ARHGAP15: variants seen among roughly 807,000 people sequenced by gnomAD.
ARHGAP15 encodes the protein rho GTPase-activating protein 15.
In ARHGAP15, 51 loss-of-function variants were observed where a neutral mutation model predicts 63.7. The observed-to-expected ratio is 0.80, with a 90% CI of 0.64 to 1.01. The LOEUF (loss-of-function observed/expected upper bound fraction) is 1.01, where lower values mean the gene tolerates loss of function less well. ARHGAP15 is among the 50% of genes least tolerant of loss of function. The probability of loss-of-function intolerance (pLI) is 0.00; values close to 1 mark genes in which losing one functional copy is unlikely to be tolerated. For missense variants in ARHGAP15, 560 were observed against 564.6 expected, an observed-to-expected ratio of 0.99 and a Z score of 0.08; for synonymous variants, 191 against 193.8, an observed-to-expected ratio of 0.99 and a Z score of 0.12.
chr2:143,410,689 T>C (rs766447621), intron 6 of ARHGAP15, among the ~76,000 whole-genome samples: 16 of 152,026 alleles, frequency 1.1e-4, no homozygotes, highest in Middle Eastern at 3.2e-3. Flanking sequence ...AAATATGTAG[T>C]GTATATGTGT....
At position 143,519,667 on chromosome 2, in the gene ARHGAP15, C is replaced by T. The variant is rs1163890661; in HGVS notation, c.925+303C>T. 2.6e-5 allele frequency among the ~76,000 whole-genome samples: 4 copies of T among 152,302 alleles called. No homozygotes were observed. The East Asian group carries it at 7.7e-4, about 29-fold the overall frequency. ...AAAACATTCATAAAATATCAGCACT[C>T]ACAGTGTTAGAACCTTCCTAACATT... On this transcript the variant is annotated intron_variant, in intron 10 of 13. Coordinates refer to ENST00000295095, the MANE Select transcript of ARHGAP15 (RefSeq NM_018460.4).
At chr2:143,487,626 G>T in intron 9 of ARHGAP15, 131 bp downstream of exon 9, 1 of 1,068,096 alleles carries the variant, frequency 9.4e-7, no homozygotes, top group African/African-American at 1.6e-5. Flanking sequence ...TTTCTACTCT[G>T]TAACAGAGAA....
intron 6 of ARHGAP15, among the ~76,000 whole-genome samples, chr2:143,346,232 TCTCTCA>T (rs1252207267): frequency 1.7e-4 from 8 of 47,620 alleles, no homozygotes; most frequent in African/African-American, 4.6e-4. Flanking sequence ...ACACACACTC[TCTCTCA>T]CACACACACA....
chr2:143,589,716 C>A (rs149602570), intron 11 of ARHGAP15, among the ~76,000 whole-genome samples: 1 of 152,188 alleles, frequency 6.6e-6, no homozygotes, highest in African/African-American at 2.4e-5. Context: ...TATCCCAGAC[C>A]CAAGGTAACA....
chr2:143,244,137 A>G (rs539038979), intron 5 of ARHGAP15, among the ~76,000 whole-genome samples: 1 of 152,228 alleles, frequency 6.6e-6, no homozygotes, highest in East Asian at 1.9e-4. Flanking sequence ...GATATTTTTC[A>G]TTGTCATTCT....
intron 10 of ARHGAP15, among the ~76,000 whole-genome samples, chr2:143,543,950 C>CT (rs1695217855): frequency 6.6e-6 from 1 of 152,140 alleles, no homozygotes; most frequent in African/African-American, 2.4e-5. Context: ...GAAGGCTAAT[C>CT]TTTCTACTTT....
intron 1 of ARHGAP15, among the ~76,000 whole-genome samples, chr2:143,150,443 C>A (rs1214149889): frequency 1.3e-5 from 2 of 152,052 alleles, no homozygotes; most frequent in East Asian, 3.9e-4. Context: ...TTGAGCAGAG[C>A]CAAAGTTCGT....
At chr2:143,567,207 C>G (rs1696265869) in intron 11 of ARHGAP15, among the ~76,000 whole-genome samples, 1 of 152,118 alleles carries the variant, frequency 6.6e-6, no homozygotes, top group Non-Finnish European at 1.5e-5. Flanking sequence ...CCTTCCTCCT[C>G]CACACTGTGG....
chr2:143,497,611 A>G (rs1374455269), intron 9 of ARHGAP15, among the ~76,000 whole-genome samples: 1 of 149,098 alleles, frequency 6.7e-6, no homozygotes, highest in Non-Finnish European at 1.5e-5. Flanking sequence ...TAGACCTACG[A>G]ACAGTATCCA....
chr2:143,490,267 G>A (rs533507575), intron 9 of ARHGAP15, among the ~76,000 whole-genome samples: 7 of 152,312 alleles, frequency 4.6e-5, no homozygotes, highest in Admixed American at 6.5e-5. Context: ...CCAAAGTGAC[G>A]GGATTACAGG....
At chr2:143,378,563 C>G (rs1686915131) in intron 6 of ARHGAP15, among the ~76,000 whole-genome samples, 1 of 152,014 alleles carries the variant, frequency 6.6e-6, no homozygotes, top group African/African-American at 2.4e-5. Context: ...GAATATACTT[C>G]CAAAACAAAA....
intron 6 of ARHGAP15, among the ~76,000 whole-genome samples, chr2:143,393,027 G>A (rs1687600938): frequency 1.3e-5 from 2 of 152,088 alleles, no homozygotes; most frequent in Non-Finnish European, 2.9e-5. Flanking sequence ...ATACATCTTA[G>A]CTTTTTCCCC....
intron 12 of ARHGAP15, among the ~76,000 whole-genome samples, chr2:143,662,623 C>T (rs1409373943): frequency 4.8e-4 from 49 of 101,094 alleles, no homozygotes; most frequent in South Asian, 2.4e-3. Flanking sequence ...CTCTGAGCTA[C>T]GGGAGGACAT....
chr2:143,203,808 T>C (rs1226471801), intron 3 of ARHGAP15, among the ~76,000 whole-genome samples: 1 of 152,072 alleles, frequency 6.6e-6, no homozygotes, highest in Non-Finnish European at 1.5e-5. Flanking sequence ...TCTCATTCAG[T>C]GTTGTAGCTT....
chr2:143,432,334 TGA>T (rs981574872), intron 6 of ARHGAP15, among the ~76,000 whole-genome samples: 76 of 152,220 alleles, frequency 5.0e-4, no homozygotes, highest in African/African-American at 1.2e-3. Context: ...TGAATATTGA[TGA>T]GAGTGTTACT....
chr2:143,551,462 G>A (rs1047379785), intron 10 of ARHGAP15, among the ~76,000 whole-genome samples: 1 of 152,146 alleles, frequency 6.6e-6, no homozygotes, highest in Non-Finnish European at 1.5e-5. Context: ...GCCTAAAATA[G>A]AACTGTTAAC....
At chr2:143,469,698 G>A (rs944661441) in intron 8 of ARHGAP15, among the ~76,000 whole-genome samples, 12 of 152,200 alleles carry the variant, frequency 7.9e-5, no homozygotes, top group Non-Finnish European at 1.5e-4. Flanking sequence ...TTAGTACAAT[G>A]AAAAGGATAT....
rs374669282 is a variant in ARHGAP15 at position 143,578,006 on chromosome 2, C to T, written c.1003+21521C>T. 1.3e-4 allele frequency among the ~76,000 whole-genome samples: 20 copies of T among 152,264 alleles called. 1 individual carries two copies. Among genetic ancestry groups the T allele is most frequent in the African/African-American group, 4.3e-4 (18 of 41,556 alleles). Reference sequence around the variant, plus strand: ...CTCTTACTTGCAAGCAGTCTTTGAACGTGCTTAAAACTCTTTAGATAAATT... The same window carrying T: ...CTCTTACTTGCAAGCAGTCTTTGAATGTGCTTAAAACTCTTTAGATAAATT... On this transcript the variant is annotated intron_variant, in intron 11 of 13. Transcript: ENST00000295095.
intron 11 of ARHGAP15, among the ~76,000 whole-genome samples, chr2:143,578,995 A>G (rs1241174936): frequency 6.6e-6 from 1 of 152,176 alleles, no homozygotes; most frequent in Non-Finnish European, 1.5e-5. Flanking sequence ...GAAAATGTAC[A>G]TTGATAGTAA....
Sources: gnomAD v4.1 joint callset for allele counts (sites outside exome capture counted in the v4.1 genomes callset) on GRCh38, gnomAD v4.1.1 for gene constraint, MANE v1.5 for transcripts, NCBI Gene and HGNC (gene_info 2026-07-23, HGNC 2026-07-21) for gene names.